TSSK4: variants seen among roughly 807,000 people sequenced by gnomAD.
TSSK4 encodes testis-specific serine/threonine-protein kinase 4.
In TSSK4, 22 loss-of-function variants were observed where a neutral mutation model predicts 28.5. That is an observed-to-expected ratio of 0.77 (90% CI 0.55 to 1.10). The LOEUF (loss-of-function observed/expected upper bound fraction) is 1.10. Ranked by LOEUF, TSSK4 falls within the 50% of genes least tolerant of loss-of-function variation. The pLI is 0.00. For synonymous variants in TSSK4, 151 were observed against 158.3 expected, an observed-to-expected ratio of 0.95 and a Z score of 0.35; for missense variants, 329 against 415.4, an observed-to-expected ratio of 0.79 and a Z score of 1.81.
Position 24,206,133 on chromosome 14 carries a change from G to T in TSSK4, c.210G>T (p.Leu70=), listed in dbSNP as rs768889685. 8 of 1,613,992 alleles carry T rather than the reference G, an allele frequency of 5.0e-6. No homozygotes were observed. Among genetic ancestry groups the T allele is most frequent in the Non-Finnish European group, 6.8e-6 (8 of 1,180,024 alleles). The change falls in exon 1 of 4, where the codon CTG becomes CTT. Residue 70 remains leucine, a synonymous_variant. Transcript: ENST00000339917. ...CTGATGACTATCTTAACAAGTTCCT[G>T]CCCCGTGAAATACAGGTTGGAAAGG... ...KASDDYLNKF[L]PREIQVMKVL...
chr14:24,208,166 C>G lies in TSSK4; in HGVS notation c.*20C>G. On this transcript the variant is annotated 3_prime_UTR_variant, in exon 4 of 4. Coordinates refer to ENST00000339917, the MANE Select transcript of TSSK4 (RefSeq NM_001184739.2). ...ACCTGAAAATGGCTGAGGGAGGGGG[C>G]TAAGAGAGGAGCAAAGCAGGAGGTC... 6.3e-7 allele frequency: 1 copy of G among 1,580,538 alleles called. No homozygotes were observed.
rs747352590 is a variant in TSSK4, at chr14:24,206,126, A to C, written c.203A>C (p.Lys68Thr). The C allele has an allele frequency of 2.5e-6, 4 of 1,614,028 alleles. No individual in the cohort carries two copies. Among genetic ancestry groups the C allele is most frequent in the Admixed American group, 1.7e-5 (1 of 59,988 alleles). Reference sequence around the variant, plus strand: ...AAGGCCTCTGATGACTATCTTAACAAGTTCCTGCCCCGTGAAATACAGGTT... The same window carrying C: ...AAGGCCTCTGATGACTATCTTAACACGTTCCTGCCCCGTGAAATACAGGTT... ...KKKASDDYLN[K>T]FLPREIQVMK... Residue 68 changes from lysine (K) to threonine (T), a missense_variant, in exon 1 of 4, where the codon AAG (lysine) becomes ACG (threonine). Physicochemically the swap from Lys to Thr is moderately conservative, Grantham distance 78. This residue lies in a region of TSSK4 where 175 missense variants were observed against 196.0 expected (regional missense o/e 0.89). Transcript: ENST00000339917.
In TSSK4 at chr14:24,206,542, A is replaced by G. The variant is rs1338273406; in HGVS notation, c.259A>G (p.Asn87Asp). 2 of 1,614,190 alleles carry G rather than the reference A, an allele frequency of 1.2e-6. No individual in the cohort carries two copies. The highest frequency in any genetic ancestry group is 8.5e-7 in the Non-Finnish European group (1 of 1,180,032). Residue 87 changes from asparagine to aspartate, a missense_variant, in exon 2 of 4, where the codon AAC becomes GAC. Coordinates refer to ENST00000339917, the MANE Select transcript of TSSK4 (RefSeq NM_001184739.2). Reference protein sequence around the residue: ...MKVLRHKYLINFYRAIESTSR... With the variant: ...MKVLRHKYLIDFYRAIESTSR... ...AGTCTTGCGGCACAAGTACCTCATC[A>G]ACTTCTATCGGGCCATTGAGAGCAC... is the stretch of plus-strand genomic sequence containing the variant.
At chr14:24,206,432 C>T (rs932320004) in intron 1 of TSSK4, 77 bp from the exon 2 acceptor site, 2 of 1,486,634 alleles carry the variant, frequency 1.3e-6, no homozygotes, top group Admixed American at 1.7e-5. Flanking sequence ...AAGTCAGTAG[C>T]TGAGGGTAGG....
At chr14:24,206,197 T>C (rs201089287) in intron 1 of TSSK4, 49 bp downstream of exon 1, 121 of 1,567,886 alleles carry the variant, frequency 7.7e-5, no homozygotes, top group Non-Finnish European at 9.9e-5. Flanking sequence ...ACTAAGCTGC[T>C]TGAGGTTTCT....
chr14:24,207,139 C>T lies in TSSK4; in HGVS notation c.464C>T (p.Ala155Val), dbSNP rs370968172. 9.3e-6 allele frequency: 15 copies of T among 1,609,432 alleles called. No individual in the cohort carries two copies. The highest frequency in any genetic ancestry group is 1.3e-5 in the Non-Finnish European group (15 of 1,180,010). Residue 155 changes from alanine (A) to valine (V), a missense_variant, in exon 3 of 4, where the codon GCT (alanine) becomes GTT (valine). Coordinates refer to ENST00000339917, the MANE Select transcript of TSSK4 (RefSeq NM_001184739.2). ...AGCCTGATGCCCAGCCTTTCTGCTGCTGGTAGGGACTTAAAGTTGGAGAAC... is the reference window on the plus strand; with the variant it reads ...AGCCTGATGCCCAGCCTTTCTGCTGTTGGTAGGGACTTAAAGTTGGAGAAC... The part of the protein sequence containing the change: ...VHRLMPSLSA[A>V]GRDLKLENLL...
At position 24,207,347 on chromosome 14, in the gene TSSK4, C is replaced by T. The variant is rs762476230; in HGVS notation, c.672C>T (p.Pro224=). 18 of 1,614,178 alleles carry T rather than the reference C, an allele frequency of 1.1e-5. No homozygotes were observed. Among genetic ancestry groups the T allele is most frequent in the East Asian group, 2.2e-5 (1 of 44,886 alleles). The change falls in exon 3 of 4, where the codon CCC becomes CCT. Residue 224 remains proline (P), a synonymous_variant. Coordinates refer to ENST00000339917, the MANE Select transcript of TSSK4 (RefSeq NM_001184739.2). The part of the protein sequence containing the change: ...YACPEILRGL[P]YNPFLSDTWS... ...GCCCAGAGATCTTACGAGGCTTGCC[C>T]TACAACCCTTTCCTGTCTGACACCT... is the stretch of plus-strand genomic sequence containing the variant.
chr14:24,207,092 T>A (rs761312416), intron 2 of TSSK4, 24 bp from the exon 3 acceptor site: 46 of 1,601,506 alleles, frequency 2.9e-5, no homozygotes, highest in Non-Finnish European at 3.8e-5. Context: ...CAGCTCCCAG[T>A]CTAAAACTAA....
In TSSK4 at chr14:24,205,974, T is replaced by C. The variant is rs2039509717; in HGVS notation, c.51T>C (p.His17=). The C allele has an allele frequency of 6.2e-7, 1 of 1,614,200 alleles. No homozygotes were observed. The highest frequency in any genetic ancestry group is 8.5e-7 in the Non-Finnish European group (1 of 1,180,024). The change falls in exon 1 of 4, where the codon CAT becomes CAC. Residue 17 remains histidine (H), a synonymous_variant. Transcript: ENST00000339917. ...CAGCACCAACCACCACAGCCTACCATTCCCTCATGGATGAATATGGTTATG... is the reference window on the plus strand; with the variant it reads ...CAGCACCAACCACCACAGCCTACCACTCCCTCATGGATGAATATGGTTATG... The part of the protein sequence containing the change: ...LEAAPTTTAY[H]SLMDEYGYEV...
In TSSK4 at chr14:24,207,371, C is replaced by G; in HGVS notation, c.696C>G (p.Thr232=). The G allele has an allele frequency of 1.9e-6, 3 of 1,614,156 alleles. No homozygotes were observed. Among genetic ancestry groups the G allele is most frequent in the Non-Finnish European group, 2.5e-6 (3 of 1,180,034 alleles). The change falls in exon 3 of 4, where the codon ACC becomes ACG. Residue 232 remains threonine (T), a synonymous_variant. Transcript: ENST00000339917. Reference sequence around the variant, plus strand: ...CCTACAACCCTTTCCTGTCTGACACCTGGAGCATGGGCGTCATCCTTTACA... The same window carrying G: ...CCTACAACCCTTTCCTGTCTGACACGTGGAGCATGGGCGTCATCCTTTACA... The part of the protein sequence containing the change: ...GLPYNPFLSD[T]WSMGVILYTL...
At position 24,207,955 on chromosome 14, in the gene TSSK4, C is replaced by T. The variant is rs2039550362; in HGVS notation, c.835-9C>T. On this transcript the variant is annotated splice_polypyrimidine_tract_variant and intron_variant, in intron 3 of 3. Coordinates refer to ENST00000339917, the MANE Select transcript of TSSK4 (RefSeq NM_001184739.2). ...AACTCAGGCAAGACCTCTCTCTCCCCTGCTCTAGAACCTGATCCTCCAGAT... is the reference window on the plus strand; with the variant it reads ...AACTCAGGCAAGACCTCTCTCTCCCTTGCTCTAGAACCTGATCCTCCAGAT... The T allele has an allele frequency of 6.2e-7, 1 of 1,614,054 alleles. No homozygotes were observed. Among genetic ancestry groups the T allele is most frequent in the Non-Finnish European group, 8.5e-7 (1 of 1,179,946 alleles).
intron 2 of TSSK4, 57 bp downstream of exon 2, chr14:24,206,780 T>G: frequency 6.3e-7 from 1 of 1,576,706 alleles, no homozygotes; most frequent in African/African-American, 1.3e-5. Flanking sequence ...TTTATGCACA[T>G]CTCCCATTTC....
chr14:24,206,722 C>A lies in TSSK4; in HGVS notation c.439C>A (p.Arg147Ser). Residue 147 changes from arginine to serine, a missense_variant and splice_region_variant, in exon 2 of 4, where the codon CGC becomes AGC. Coordinates refer to ENST00000339917, the MANE Select transcript of TSSK4 (RefSeq NM_001184739.2). Reference sequence around the variant, plus strand: ...CCTGCACAGCAAGAGCATCGTGCACCGGTGAGGGCGCTGCCACCCAGACTG... The same window carrying A: ...CCTGCACAGCAAGAGCATCGTGCACAGGTGAGGGCGCTGCCACCCAGACTG... ...AYLHSKSIVH[R>S]LMPSLSAAGR... 6.2e-7 allele frequency: 1 copy of A among 1,613,234 alleles called. No individual in the cohort carries two copies. The highest frequency in any genetic ancestry group is 1.1e-5 in the South Asian group (1 of 91,040).
At position 24,206,616 on chromosome 14, in the gene TSSK4, T is replaced by C. The variant is rs1413579107; in HGVS notation, c.333T>C (p.Leu111=). 1 of 1,614,224 alleles carries C rather than the reference T, an allele frequency of 6.2e-7. No homozygotes were observed. Among genetic ancestry groups the C allele is most frequent in the South Asian group, 1.1e-5 (1 of 91,078 alleles). ...AACTGGCTCAGGGTGGTGATGTCCT[T>C]GAATGGATCCAGCGCTACGGGGCCT... is the stretch of plus-strand genomic sequence containing the variant. ...ILELAQGGDV[L]EWIQRYGACS... Residue 111 remains leucine, a synonymous_variant, in exon 2 of 4, where the codon CTT becomes CTC. Transcript: ENST00000339917.
Position 24,206,799 on chromosome 14 carries a change from T to C in TSSK4, c.440+76T>C, listed in dbSNP as rs571761739. 9.7e-5 allele frequency: 148 copies of C among 1,520,682 alleles called. 2 individuals are homozygous for C. In the South Asian group the frequency reaches 1.7e-3, roughly 18 times the overall value. 94.2% of individuals were successfully genotyped at this position (1,520,682 alleles called of 1,614,324 possible). ...TGCACATCTCCCATTTCCTGTCCTT[T>C]TTTCCTCTTTCGAACTCCCTCCTCA... is the stretch of plus-strand genomic sequence containing the variant. On this transcript the variant is annotated intron_variant, in intron 2 of 3. Coordinates refer to ENST00000339917, the MANE Select transcript of TSSK4 (RefSeq NM_001184739.2).
intron 2 of TSSK4, 106 bp downstream of exon 2, chr14:24,206,829 C>G: frequency 8.2e-7 from 1 of 1,224,432 alleles, no homozygotes; most frequent in Non-Finnish European, 1.2e-6. Flanking sequence ...TCCTCAATAT[C>G]TAGCCTATTC....
At chr14:24,207,049 G>A (rs749055706) in intron 2 of TSSK4, 67 bp from the exon 3 acceptor site, 1 of 1,591,290 alleles carries the variant, frequency 6.3e-7, no homozygotes, top group Non-Finnish European at 8.5e-7. Flanking sequence ...CACTTCCTCT[G>A]TCCTCATCTT....
chr14:24,206,450 T>C, intron 1 of TSSK4, 59 bp from the exon 2 acceptor site: 1 of 1,572,440 alleles, frequency 6.4e-7, no homozygotes, highest in South Asian at 1.1e-5. Flanking sequence ...AGGAGACGGC[T>C]GGGAGTGCAG....
Position 24,208,065 on chromosome 14 carries a change from C to A in TSSK4, c.936C>A (p.Thr312=). 1.2e-6 allele frequency: 2 copies of A among 1,614,162 alleles called. No individual in the cohort carries two copies. The highest frequency in any genetic ancestry group is 1.1e-5 in the South Asian group (1 of 91,074). The change falls in exon 4 of 4, where the codon ACC becomes ACA. Residue 312 remains threonine, a synonymous_variant. Coordinates refer to ENST00000339917, the MANE Select transcript of TSSK4 (RefSeq NM_001184739.2). ...TCAAGTTCCAGCCTGAGCAACCCAC[C>A]CATGAGATCAGGCTGCTTGAGGCCA... The part of the protein sequence containing the change: ...WVLKFQPEQP[T]HEIRLLEAMC...
Sources: gnomAD v4.1 joint callset for allele counts on GRCh38, gnomAD v4.1.1 for gene constraint, gnomAD v4.1.1 regional missense constraint, MANE v1.5 for transcripts, NCBI Gene and HGNC (gene_info 2026-07-23, HGNC 2026-07-21) for gene names.